Variants in SLC39A8 observed in about 807,000 individuals in gnomAD.
SLC39A8 encodes solute carrier family 39 member 8.
SLC39A8 carries 15 observed loss-of-function variants against 40.4 expected under a neutral mutation model. That is an observed-to-expected ratio of 0.37 (90% CI 0.25 to 0.57). The LOEUF (loss-of-function observed/expected upper bound fraction) is 0.57. Ranked by LOEUF, SLC39A8 falls within the 20% of genes least tolerant of loss-of-function variation. The probability of loss-of-function intolerance (pLI) is 0.75; values close to 1 mark genes in which losing one functional copy is unlikely to be tolerated. For missense variants in SLC39A8, 472 were observed against 558.8 expected, an observed-to-expected ratio of 0.84 and a Z score of 1.57; for synonymous variants, 223 against 221.6, an observed-to-expected ratio of 1.01 and a Z score of -0.06.
intron 11 of SLC39A8, among the ~76,000 whole-genome samples, chr4:102,255,005 G>A (rs562462474): frequency 6.6e-6 from 1 of 152,218 alleles, no homozygotes; most frequent in South Asian, 2.1e-4. Context: ...TATGTACAAT[G>A]TTTCTATGTA....
At chr4:102,307,725 G>C in intron 3 of SLC39A8, 120 bp from the exon 4 acceptor site, 2 of 934,534 alleles carry the variant, frequency 2.1e-6, no homozygotes, top group South Asian at 3.5e-5. Context: ...TTCTTTAAAA[G>C]AACAAAATCT....
chr4:102,296,491 T>C (rs1733681864), intron 6 of SLC39A8, among the ~76,000 whole-genome samples: 1 of 152,056 alleles, frequency 6.6e-6, no homozygotes, highest in Admixed American at 6.6e-5. Flanking sequence ...TTATCACAAG[T>C]GTACAATGTA....
chr4:102,265,484 A>G (rs1732060735), intron 8 of SLC39A8, among the ~76,000 whole-genome samples: 1 of 152,246 alleles, frequency 6.6e-6, no homozygotes, highest in Admixed American at 6.5e-5. Context: ...GAAATCGTTT[A>G]AAAATTAACA....
chr4:102,335,072 C>G (rs1560570744), intron 2 of SLC39A8, among the ~76,000 whole-genome samples: 1 of 152,188 alleles, frequency 6.6e-6, no homozygotes, highest in Non-Finnish European at 1.5e-5. Flanking sequence ...AGACTAGAGA[C>G]AGAGCCAGTG....
intron 11 of SLC39A8, among the ~76,000 whole-genome samples, chr4:102,255,217 T>A (rs754485070): frequency 6.6e-6 from 1 of 152,188 alleles, no homozygotes; most frequent in Admixed American, 6.5e-5. Flanking sequence ...AATATCTCAA[T>A]ATTTAACTGC....
At chr4:102,320,425 TATATATATATGAGA>T (rs1165542760) in intron 2 of SLC39A8, among the ~76,000 whole-genome samples, 2 of 65,980 alleles carry the variant, frequency 3.0e-5, no homozygotes, top group Admixed American at 1.6e-4. Context: ...TATATGAGAA[TATATATATATGAGA>T]ATATATATAT....
At chr4:102,296,790 G>A (rs1292946233) in intron 6 of SLC39A8, among the ~76,000 whole-genome samples, 1 of 152,098 alleles carries the variant, frequency 6.6e-6, no homozygotes, top group African/African-American at 2.4e-5. Flanking sequence ...GAGCAAGGAT[G>A]GTATCATGTT....
chr4:102,318,441 A>G (rs1734755997), intron 2 of SLC39A8, among the ~76,000 whole-genome samples: 1 of 152,192 alleles, frequency 6.6e-6, no homozygotes, highest in Non-Finnish European at 1.5e-5. Context: ...TAAAATAGCT[A>G]TCTACCAGCA....
chr4:102,309,355 G>A (rs904012945), intron 3 of SLC39A8, among the ~76,000 whole-genome samples: 2 of 151,810 alleles, frequency 1.3e-5, no homozygotes, highest in Non-Finnish European at 2.9e-5. Flanking sequence ...TGACCATGAC[G>A]ACTGCATCTT....
At chr4:102,335,242 C>T (rs1735617297) in intron 2 of SLC39A8, among the ~76,000 whole-genome samples, 1 of 152,138 alleles carries the variant, frequency 6.6e-6, no homozygotes, top group Non-Finnish European at 1.5e-5. Context: ...TAAGGGACTG[C>T]ATGTTTTATA....
At position 102,263,324 on chromosome 4, in the gene SLC39A8, T is replaced by C. The variant is rs1054097826; in HGVS notation, c.1234-131A>G. ...CAGTGTGATAAAGCAAACATCTCAA[T>C]AAAGCAAGTTACATGAATTCCCAGG... On this transcript the variant is annotated intron_variant, in intron 8 of 8. Transcript: ENST00000356736. The C allele has an allele frequency of 2.0e-5, 14 of 704,224 alleles. No individual in the cohort carries two copies. In the South Asian group the frequency reaches 2.4e-4, roughly 12 times the overall value. The allele number at this position is 704,224 out of a possible 1,614,324, so 43.6% of individuals were successfully genotyped here.
intron 2 of SLC39A8, among the ~76,000 whole-genome samples, chr4:102,327,122 C>T (rs1180855519): frequency 1.3e-5 from 2 of 152,124 alleles, no homozygotes; most frequent in East Asian, 3.9e-4. Flanking sequence ...ATTAGCTAAG[C>T]ATGATGGTGC....
At chr4:102,293,072 G>C (rs1255160075) in intron 6 of SLC39A8, among the ~76,000 whole-genome samples, 1 of 151,934 alleles carries the variant, frequency 6.6e-6, no homozygotes, top group Non-Finnish European at 1.5e-5. Flanking sequence ...ATTCAAAAAT[G>C]ACACAAATTT....
intron 2 of SLC39A8, among the ~76,000 whole-genome samples, chr4:102,328,113 C>G (rs1445449820): frequency 6.6e-6 from 1 of 152,058 alleles, no homozygotes; most frequent in African/African-American, 2.4e-5. Flanking sequence ...ATTTAGATGG[C>G]CCATGGGTTA....
In SLC39A8 at chr4:102,344,746, G is replaced by A; in HGVS notation, c.-84C>T. 1 of 1,359,800 alleles carries A rather than the reference G, an allele frequency of 7.4e-7. No individual in the cohort carries two copies. The highest frequency in any genetic ancestry group is 9.4e-7 in the Non-Finnish European group (1 of 1,063,610). 84.2% of individuals were successfully genotyped at this position (1,359,800 alleles called of 1,614,324 possible). A position where few individuals can be genotyped will look rare whatever the true frequency, so the allele number is the denominator to read the frequency against. On this transcript the variant is annotated 5_prime_UTR_variant, in exon 2 of 9. Transcript: ENST00000356736. ...CGGGCGCACTGGCGTCCTTGCCCAA[G>A]GGCGGGAGCGTCAGTGCTCGGCGCT...
rs1300649728 is a variant in SLC39A8, at chr4:102,278,180, A to T, written c.841-10101T>A. Among the ~76,000 whole-genome samples the T allele has an allele frequency of 2.0e-5, 3 of 152,366 alleles. No individual in the cohort carries two copies. In the East Asian group the frequency reaches 5.8e-4, roughly 29 times the overall value. On this transcript the variant is annotated intron_variant, in intron 6 of 8. Coordinates refer to ENST00000356736, the MANE Select transcript of SLC39A8 (RefSeq NM_001135146.2). Reference sequence around the variant, plus strand: ...GAGCTTCTGCACAGCAAAAGAAACTATCATCAGAGTGAACAGGCAACCTAC... The same window carrying T: ...GAGCTTCTGCACAGCAAAAGAAACTTTCATCAGAGTGAACAGGCAACCTAC...
chr4:102,333,832 G>A (rs1211493497), intron 2 of SLC39A8, among the ~76,000 whole-genome samples: 2 of 151,802 alleles, frequency 1.3e-5, no homozygotes, highest in African/African-American at 2.4e-5. Context: ...AAACAGGCTC[G>A]AGATGGAAAC....
chr4:102,299,080 G>C (rs567015297), intron 6 of SLC39A8, among the ~76,000 whole-genome samples: 2 of 152,036 alleles, frequency 1.3e-5, no homozygotes, highest in South Asian at 4.2e-4. Context: ...CAGTTGGGAA[G>C]TACAGTACTA....
At chr4:102,333,230 A>G (rs1263808655) in intron 2 of SLC39A8, among the ~76,000 whole-genome samples, 1 of 152,190 alleles carries the variant, frequency 6.6e-6, no homozygotes, top group African/African-American at 2.4e-5. Flanking sequence ...TGTAGAGGAA[A>G]GAGATATGTG....
Sources: gnomAD v4.1 joint callset for allele counts (sites outside exome capture counted in the v4.1 genomes callset) on GRCh38, gnomAD v4.1.1 for gene constraint, MANE v1.5 for transcripts, NCBI Gene and HGNC (gene_info 2026-07-23, HGNC 2026-07-21) for gene names.